The following FHAD1 variants were observed in gnomAD, a reference collection of about 807,000 sequenced individuals.
The protein encoded by FHAD1 is forkhead associated phosphopeptide binding domain 1, also known as forkhead-associated domain-containing protein 1.
A neutral mutation model predicts 191.3 loss-of-function variants in FHAD1; 146 were observed. The observed-to-expected ratio is 0.76, with a 90% CI of 0.67 to 0.88. The LOEUF (loss-of-function observed/expected upper bound fraction) is 0.88, where lower values mean the gene tolerates loss of function less well. Among genes scored for constraint, FHAD1 ranks in the 40% least tolerant of loss-of-function variants. The pLI, the probability that FHAD1 is intolerant of heterozygous loss-of-function variation, is 0.00. For synonymous variants in FHAD1, 616 were observed against 672.3 expected (o/e 0.92, Z 1.29); for missense variants, 1,635 against 1,785.8 (o/e 0.92, Z 1.52).
chr1:15,359,604 T>C (rs940798443), intron 21 of FHAD1, among the ~76,000 whole-genome samples: 17 of 152,000 alleles, frequency 1.1e-4, no homozygotes, highest in Non-Finnish European at 2.5e-4. Context: ...TCTCAGCACT[T>C]TGGGAGGCCA....
chr1:15,292,667 A>G lies in FHAD1; in HGVS notation c.568+3001A>G, dbSNP rs375226945. On this transcript the variant is annotated intron_variant, in intron 4 of 33. Coordinates refer to ENST00000688493, the MANE Select transcript of FHAD1 (RefSeq NM_001391957.1). ...ACTGTTGTCCTTGTGAGAGGAGGTG[A>G]TTAGGACACAAGCAACACCAGAGGA... 5.3e-4 allele frequency among the ~76,000 whole-genome samples: 81 copies of G among 152,314 alleles called. 1 individual carries two copies. The South Asian group carries it at 0.014, about 27-fold the overall frequency.
At chr1:15,255,972 G>A (rs1364054037) in intron 2 of FHAD1, among the ~76,000 whole-genome samples, 1 of 135,440 alleles carries the variant, frequency 7.4e-6, no homozygotes, top group African/African-American at 2.5e-5. Flanking sequence ...GGGCTCCCTG[G>A]CTGCCTTGTG....
At chr1:15,275,723 C>A (rs1658110276) in intron 3 of FHAD1, among the ~76,000 whole-genome samples, 1 of 151,776 alleles carries the variant, frequency 6.6e-6, no homozygotes, top group Admixed American at 6.6e-5. Flanking sequence ...CAAATCTCAT[C>A]TCATTTTGGG....
At chr1:15,307,819 C>G (rs1030858086) in intron 6 of FHAD1, among the ~76,000 whole-genome samples, 2 of 152,038 alleles carry the variant, frequency 1.3e-5, no homozygotes, top group African/African-American at 4.8e-5. Flanking sequence ...CAAGCTCTGC[C>G]TCCCGGGTTC....
At chr1:15,375,927 C>G (rs1017188009) in intron 28 of FHAD1, among the ~76,000 whole-genome samples, 197 bp downstream of exon 28, 2 of 152,178 alleles carry the variant, frequency 1.3e-5, no homozygotes, top group Non-Finnish European at 2.9e-5. Context: ...CACTTGCCCA[C>G]AGTATGGTTC....
At position 15,303,860 on chromosome 1, in the gene FHAD1, AAAAG is replaced by A. The variant is rs67778049; in HGVS notation, c.915+2434_915+2437del. Among the ~76,000 whole-genome samples, 1,366 of 151,814 alleles carry A rather than the reference AAAAG, an allele frequency of 9.0e-3. 8 individuals carry two copies. The highest frequency in any genetic ancestry group is 0.014 in the African/African-American group (564 of 41,330). On this transcript the variant is annotated intron_variant, in intron 6 of 33. Coordinates refer to ENST00000688493, the MANE Select transcript of FHAD1 (RefSeq NM_001391957.1). The stretch of plus-strand genomic sequence containing the variant: ...TGAGACTCTGTCTCAAAAAAAAAAA[AAAAG>A]AAAGAAAGAAAGAATTACTCTGACT...
At chr1:15,243,982 G>A (rs1573553439), upstream of FHAD1, among the ~76,000 whole-genome samples, 1 of 151,890 alleles carries the variant, frequency 6.6e-6, no homozygotes, top group Admixed American at 6.6e-5. Flanking sequence ...GGGCTTCGTC[G>A]TCACCAAGAG....
rs1696274137 is a variant in FHAD1 at position 15,365,915 on chromosome 1, A to T, written c.3136A>T (p.Arg1046Ter). ...GAAAGACCTTACCGAAGCCCACAGC[A>T]GAATGTCGGATTTGAGAGGTTTGAA... Reference protein sequence around the residue: ...LRKDLTEAHSRMSDLRGELNE... With the variant: ...LRKDLTEAHS The change falls in exon 24 of 34, where the codon AGA (arginine) becomes TGA (stop). Residue 1046 changes from arginine (R) to a stop codon, truncating the protein, a stop_gained. Transcript: ENST00000688493. LOFTEE classifies it high-confidence loss of function. 6.4e-7 allele frequency: 1 copy of T among 1,551,072 alleles called. No individual in the cohort carries two copies. The highest frequency in any genetic ancestry group is 8.7e-7 in the Non-Finnish European group (1 of 1,146,520).
At chr1:15,259,340 G>A (rs1041949218) in intron 2 of FHAD1, among the ~76,000 whole-genome samples, 10 of 152,068 alleles carry the variant, frequency 6.6e-5, no homozygotes, top group Admixed American at 2.0e-4. Context: ...TACTATTATC[G>A]TTATTATCCT....
At chr1:15,371,793 A>G (rs1026474828) in intron 26 of FHAD1, among the ~76,000 whole-genome samples, 7 of 152,252 alleles carry the variant, frequency 4.6e-5, no homozygotes, top group Non-Finnish European at 1.0e-4. Context: ...GGCTGAAGAC[A>G]GGGTCCAAGG....
chr1:15,285,989 A>G (rs1662275699), intron 3 of FHAD1, among the ~76,000 whole-genome samples: 1 of 152,238 alleles, frequency 6.6e-6, no homozygotes, highest in Admixed American at 6.5e-5. Flanking sequence ...TATGAGGGAC[A>G]GAGTATTTAA....
At chr1:15,250,744 C>CAGG (rs1157360633) in intron 1 of FHAD1, among the ~76,000 whole-genome samples, 1 of 152,186 alleles carries the variant, frequency 6.6e-6, no homozygotes, top group Non-Finnish European at 1.5e-5. Flanking sequence ...GAGGCTGAGG[C>CAGG]AGGAGGATCA....
intron 1 of FHAD1, among the ~76,000 whole-genome samples, chr1:15,239,965 C>G (rs1192288050): frequency 1.3e-5 from 2 of 152,166 alleles, no homozygotes; most frequent in African/African-American, 4.8e-5. Context: ...ATATGCATAC[C>G]AACGGACATA....
In FHAD1 at chr1:15,364,027, G is replaced by A. The variant is rs115462386; in HGVS notation, c.3047+1301G>A. The A allele has an allele frequency of 6.3e-3, 2,012 of 321,346 alleles. 29 individuals are homozygous for A. The highest frequency in any genetic ancestry group is 0.039 in the African/African-American group (1,792 of 45,912). 19.9% of individuals were successfully genotyped at this position (321,346 alleles called of 1,614,324 possible). A position where few individuals can be genotyped will look rare whatever the true frequency, so the allele number is the denominator to read the frequency against. On this transcript the variant is annotated intron_variant, in intron 23 of 33. Coordinates refer to ENST00000688493, the MANE Select transcript of FHAD1 (RefSeq NM_001391957.1). ...CTCCTCCTGTTTAAAATCTAGAAAC[G>A]GTGGTGCCCATGACTTGGAGAAGAC...
intron 10 of FHAD1, among the ~76,000 whole-genome samples, chr1:15,322,916 A>G (rs113788459): frequency 5.9e-5 from 9 of 152,228 alleles, no homozygotes; most frequent in South Asian, 4.1e-4. Context: ...ACAGTTCCAC[A>G]TGGCTAGGGA....
At chr1:15,363,626 T>G in intron 23 of FHAD1, 1 of 372,308 alleles carries the variant, frequency 2.7e-6, no homozygotes, top group Non-Finnish European at 5.3e-6. Flanking sequence ...CAGACAGAGA[T>G]TTCAAACAGT....
chr1:15,324,427 G>T (rs1445007832), intron 10 of FHAD1, 25 bp from the exon 11 acceptor site: 2 of 1,505,512 alleles, frequency 1.3e-6, no homozygotes, highest in Non-Finnish European at 1.8e-6. Context: ...TTAGCAGCAA[G>T]TACTCGCTTT....
chr1:15,371,572 A>T (rs897942698), intron 26 of FHAD1, among the ~76,000 whole-genome samples: 1 of 152,196 alleles, frequency 6.6e-6, no homozygotes, highest in East Asian at 1.9e-4. Context: ...CCCTCAGGCC[A>T]AGCACAGGCT....
At position 15,316,284 on chromosome 1, in the gene FHAD1, C is replaced by T. The variant is rs868841563; in HGVS notation, c.1171-94C>T. The T allele has an allele frequency of 3.1e-6, 3 of 961,380 alleles. No individual in the cohort carries two copies. The highest frequency in any genetic ancestry group is 3.2e-4 in the Middle Eastern group (1 of 3,172). 59.6% of individuals were successfully genotyped at this position (961,380 alleles called of 1,614,324 possible). On this transcript the variant is annotated intron_variant, in intron 8 of 33. Transcript: ENST00000688493. This position sits in a 1 kb window ranked among gnomAD's most constrained non-coding sequence, Gnocchi z 4.3. ...GGATGGAAACAGCAGGAAATGCTCT[C>T]AGGGGCTCACATGGGGCCTTGGAGC...
Sources: gnomAD v4.1 joint callset for allele counts (sites outside exome capture counted in the v4.1 genomes callset) on GRCh38, gnomAD v4.1.1 for gene constraint, Gnocchi (gnomAD v3.1) non-coding constraint, MANE v1.5 for transcripts, NCBI Gene and HGNC (gene_info 2026-07-23, HGNC 2026-07-21) for gene names.